The following TMEM243 variants were observed in gnomAD, a reference collection of about 807,000 sequenced individuals.
The protein encoded by TMEM243 is transmembrane protein 243.
A neutral mutation model predicts 15.0 loss-of-function variants in TMEM243; 20 were observed. The observed-to-expected ratio is 1.33, with a 90% CI of 0.94 to 1.93. The LOEUF (loss-of-function observed/expected upper bound fraction) is 1.93, where lower values mean the gene tolerates loss of function less well. TMEM243 is among the 30% of genes most tolerant of loss of function. TMEM243 has a pLI of 0.00. For missense variants in TMEM243, 156 were observed against 142.1 expected (o/e 1.10, Z -0.50); for synonymous variants, 72 against 52.7 (o/e 1.37, Z -1.59).
intron 1 of TMEM243, among the ~76,000 whole-genome samples, chr7:87,201,484 T>C (rs1801805818): frequency 2.0e-5 from 3 of 152,212 alleles, no homozygotes; most frequent in Admixed American, 2.0e-4. Context: ...AAATATTAAG[T>C]TCAAATCACA....
intron 1 of TMEM243, among the ~76,000 whole-genome samples, chr7:87,213,445 C>G (rs777826704): frequency 1.1e-4 from 17 of 152,208 alleles, no homozygotes; most frequent in Non-Finnish European, 2.1e-4. Flanking sequence ...AATAGCTGTG[C>G]TTGATCACCT....
At chr7:87,209,577 TGA>T (rs779825846) in intron 1 of TMEM243, among the ~76,000 whole-genome samples, 24 of 115,278 alleles carry the variant, frequency 2.1e-4, no homozygotes, top group South Asian at 1.5e-3. Flanking sequence ...AGAGAGACAG[TGA>T]GAGAGACAGT....
intron 1 of TMEM243, 103 bp downstream of exon 1, chr7:87,219,323 A>G (rs1400840321): frequency 9.0e-7 from 1 of 1,116,854 alleles, no homozygotes; most frequent in African/African-American, 1.6e-5. Context: ...TTCCTCCCTA[A>G]AAGTGCTTTT....
rs143605424 is a variant in TMEM243, at chr7:87,215,782, G to A, written c.78+3644C>T. Among the ~76,000 whole-genome samples the A allele has an allele frequency of 3.3e-5, 5 of 152,290 alleles. No homozygotes were observed. In the East Asian group the frequency reaches 9.6e-4, roughly 29 times the overall value. ...GCCAACCTAACATGAAAATTCCATA[G>A]GTATCAAGGAATGAGGTCTATGTTT... On this transcript the variant is annotated intron_variant, in intron 1 of 3. Transcript: ENST00000257637.
upstream of TMEM243, chr7:87,220,440 C>T (rs1584565190): frequency 1.3e-5 from 2 of 152,278 alleles, no homozygotes; most frequent in Non-Finnish European, 2.9e-5. Flanking sequence ...ACACCCCCGC[C>T]GGGATCCGGT....
intron 3 of TMEM243, chr7:87,197,645 A>C (rs1452000639): frequency 2.3e-5 from 25 of 1,099,516 alleles, no homozygotes; most frequent in Non-Finnish European, 2.9e-5. Flanking sequence ...GTGAAGATGA[A>C]TTAAGTAAAT....
chr7:87,196,492 A>G lies in TMEM243; in HGVS notation c.*144T>C. Reference sequence around the variant, plus strand: ...TGATCTAGGATATGTCTCCCTTGCAAGAGGGAATTAACATTTACAATTAAC... The same window carrying G: ...TGATCTAGGATATGTCTCCCTTGCAGGAGGGAATTAACATTTACAATTAAC... On this transcript the variant is annotated 3_prime_UTR_variant, in exon 4 of 4. Transcript: ENST00000257637. 1.2e-6 allele frequency: 1 copy of G among 814,432 alleles called. No individual in the cohort carries two copies. The highest frequency in any genetic ancestry group is 1.8e-5 in the South Asian group (1 of 55,136). The allele number at this position is 814,432 out of a possible 1,614,324, so 50.5% of individuals were successfully genotyped here.
rs939038522 is a variant in TMEM243, at chr7:87,219,699, C to T, written c.-196G>A. The T allele has an allele frequency of 6.7e-6, 4 of 594,070 alleles. No individual in the cohort carries two copies. Among genetic ancestry groups the T allele is most frequent in the African/African-American group, 5.6e-5 (3 of 53,528 alleles). 36.8% of individuals were successfully genotyped at this position (594,070 alleles called of 1,614,324 possible). A position where few individuals can be genotyped will look rare whatever the true frequency, so the allele number is the denominator to read the frequency against. On this transcript the variant is annotated 5_prime_UTR_variant, in exon 1 of 4. Coordinates refer to ENST00000257637, the MANE Select transcript of TMEM243 (RefSeq NM_024315.4). ...GCGACTGCTCCGCCCCGGCCCCGCGCACCTCCTCATCTTGAGCAGCTGCCG... is the reference window on the plus strand; with the variant it reads ...GCGACTGCTCCGCCCCGGCCCCGCGTACCTCCTCATCTTGAGCAGCTGCCG...
At chr7:87,216,104 A>T (rs1803096445) in intron 1 of TMEM243, among the ~76,000 whole-genome samples, 1 of 151,868 alleles carries the variant, frequency 6.6e-6, no homozygotes, top group Non-Finnish European at 1.5e-5. Context: ...CCCCCATCTC[A>T]ACTAAAAATA....
chr7:87,211,855 C>T (rs140455585), intron 1 of TMEM243, among the ~76,000 whole-genome samples: 4 of 152,272 alleles, frequency 2.6e-5, no homozygotes, highest in Non-Finnish European at 2.9e-5. Flanking sequence ...TAGGACGCCG[C>T]GAATTATGAC....
intron 1 of TMEM243, among the ~76,000 whole-genome samples, chr7:87,215,083 C>A (rs1274282696): frequency 6.6e-6 from 1 of 152,306 alleles, no homozygotes; most frequent in South Asian, 2.1e-4. Context: ...TGAAACATGG[C>A]TAGCGTGAAT....
rs181088947 is a variant in TMEM243 at position 87,213,278 on chromosome 7, G to C, written c.78+6148C>G. On this transcript the variant is annotated intron_variant, in intron 1 of 3. Transcript: ENST00000257637. ...AGTCCACTGATCTAGGGGTGGAAGA[G>C]AGAAAACTTAGAGTACTAAAGAAAA... Among the ~76,000 whole-genome samples the C allele has an allele frequency of 2.6e-5, 4 of 152,164 alleles. No homozygotes were observed. The East Asian group carries it at 7.7e-4, about 29-fold the overall frequency.
chr7:87,203,008 A>C (rs897481225), intron 1 of TMEM243: 1 of 152,250 alleles, frequency 6.6e-6, no homozygotes, highest in Non-Finnish European at 1.5e-5. Context: ...CTAAAACTCA[A>C]ATGATCAGGT....
chr7:87,214,315 C>T (rs558331970), intron 1 of TMEM243, among the ~76,000 whole-genome samples: 1 of 152,288 alleles, frequency 6.6e-6, no homozygotes, highest in South Asian at 2.1e-4. Flanking sequence ...GAAAGACTGT[C>T]CAAACTGTGT....
chr7:87,213,256 C>G (rs188670016), intron 1 of TMEM243, among the ~76,000 whole-genome samples: 1 of 152,270 alleles, frequency 6.6e-6, no homozygotes. Flanking sequence ...AGATTACAGT[C>G]CACTGATCTA....
chr7:87,219,388 A>T, intron 1 of TMEM243, 38 bp downstream of exon 1: 1 of 1,599,650 alleles, frequency 6.3e-7, no homozygotes, highest in Non-Finnish European at 8.6e-7. Context: ...CAGCAGACAC[A>T]CCCCCCATCC....
intron 1 of TMEM243, among the ~76,000 whole-genome samples, chr7:87,201,374 C>T (rs1288933463): frequency 6.6e-6 from 1 of 152,204 alleles, no homozygotes; most frequent in African/African-American, 2.4e-5. Flanking sequence ...CTGAGACCAA[C>T]TGAATCAGAA....
intron 1 of TMEM243, among the ~76,000 whole-genome samples, chr7:87,216,018 C>G (rs905692732): frequency 1.3e-5 from 2 of 152,078 alleles, no homozygotes; most frequent in Non-Finnish European, 2.9e-5. Context: ...CGCCTGTAAT[C>G]CCAGCACTTT....
At position 87,197,841 on chromosome 7, in the gene TMEM243, A is replaced by G. The variant is rs751774496; in HGVS notation, c.234+100T>C. The G allele has an allele frequency of 5.1e-6, 8 of 1,582,378 alleles. No homozygotes were observed. In the African/African-American group the frequency reaches 6.8e-5, roughly 13 times the overall value. On this transcript the variant is annotated intron_variant, in intron 3 of 3. Coordinates refer to ENST00000257637, the MANE Select transcript of TMEM243 (RefSeq NM_024315.4). Reference sequence around the variant, plus strand: ...TAGGGGGAGGATGAGGATATAATTAAGAGATACCCTTTTGTATAGACCCAA... The same window carrying G: ...TAGGGGGAGGATGAGGATATAATTAGGAGATACCCTTTTGTATAGACCCAA...
Sources: allele counts gnomAD v4.1 joint callset (sites outside exome capture counted in the v4.1 genomes callset), GRCh38; gene constraint gnomAD v4.1.1; transcripts MANE v1.5; gene names NCBI Gene and HGNC (gene_info 2026-07-23, HGNC 2026-07-21).